The following DRP2 variants were observed in gnomAD, a reference collection of about 807,000 sequenced individuals.
DRP2 encodes dystrophin-related protein 2.
DRP2 carries 29 observed loss-of-function variants against 78.2 expected under a neutral mutation model. That is an observed-to-expected ratio of 0.37 (90% CI 0.28 to 0.51). DRP2 has a LOEUF of 0.51. Among genes scored for constraint, DRP2 ranks in the 20% least tolerant of loss-of-function variants. The pLI, the probability that DRP2 is intolerant of heterozygous loss-of-function variation, is 0.94. For synonymous variants in DRP2, 290 were observed against 281.9 expected (o/e 1.03, Z -0.29); for missense variants, 686 against 770.6 (o/e 0.89, Z 1.30).
chrX:101,239,345 A>G (rs776643422), intron 6 of DRP2, among the ~76,000 whole-genome samples: 1 of 111,813 alleles, frequency 8.9e-6, no homozygotes, highest in Non-Finnish European at 1.9e-5. Context: ...GGCTCTTTGG[A>G]GCAGCATGTG....
At chrX:101,242,074 T>A in intron 7 of DRP2, 138 bp downstream of exon 7, 1 of 862,816 alleles carries the variant, frequency 1.2e-6, no homozygotes, top group Non-Finnish European at 1.6e-6. Flanking sequence ...TGTGCTAGAT[T>A]TGGGGCTGGT....
intron 2 of DRP2, among the ~76,000 whole-genome samples, chrX:101,228,485 C>T (rs995741206): frequency 6.3e-5 from 7 of 111,590 alleles, no homozygotes; most frequent in African/African-American, 2.0e-4. Context: ...GACACTGAGG[C>T]TCAGAGAGGT....
At chrX:101,232,416 CT>C (rs1486444936) in intron 3 of DRP2, among the ~76,000 whole-genome samples, 2 of 111,320 alleles carry the variant, frequency 1.8e-5, no homozygotes, top group Non-Finnish European at 3.8e-5. Context: ...CATAAGCATA[CT>C]TTGGTTGCCC....
At chrX:101,248,701 A>G in intron 14 of DRP2, 102 bp downstream of exon 14, 1 of 736,625 alleles carries the variant, frequency 1.4e-6, no homozygotes, top group Non-Finnish European at 2.1e-6. Context: ...CTTGTGACTC[A>G]GCAGAGGGCT....
At chrX:101,259,467 G>A (rs560377859) in intron 22 of DRP2, among the ~76,000 whole-genome samples, 2 of 110,648 alleles carry the variant, frequency 1.8e-5, no homozygotes, top group Admixed American at 1.9e-4. Flanking sequence ...GAGACCTTTA[G>A]GTACAATGCC....
chrX:101,258,189 G>A, intron 21 of DRP2, 120 bp from the exon 22 acceptor site: 1 of 565,767 alleles, frequency 1.8e-6, no homozygotes, highest in Non-Finnish European at 2.8e-6. Context: ...ATGGGGGTGG[G>A]GGTGAGGTAG....
At chrX:101,239,322 C>T (rs768269088) in intron 6 of DRP2, among the ~76,000 whole-genome samples, 2 of 111,232 alleles carry the variant, frequency 1.8e-5, no homozygotes, top group Admixed American at 9.5e-5. Flanking sequence ...TTGTGTGACC[C>T]AAAGCTGTAT....
At chrX:101,236,510 C>T (rs1291222523) in intron 4 of DRP2, among the ~76,000 whole-genome samples, 2 of 111,737 alleles carry the variant, frequency 1.8e-5, no homozygotes, top group South Asian at 3.7e-4. Context: ...AGTTTTCAGC[C>T]CACCTATTTC....
intron 3 of DRP2, among the ~76,000 whole-genome samples, chrX:101,235,450 G>A (rs757037161): frequency 1.8e-5 from 2 of 112,576 alleles, no homozygotes; most frequent in South Asian, 7.4e-4. Flanking sequence ...CCTGAAGTAT[G>A]AGCCAACAGC....
In DRP2 at chrX:101,245,431, G is replaced by A; in HGVS notation, c.1159G>A (p.Glu387Lys). Residue 387 changes from glutamate to lysine, a missense_variant, in exon 11 of 24, where the codon GAG (glutamate) becomes AAG (lysine). Transcript: ENST00000395209. ...ATGCTGGGACCATCCCAAGATGACA[G>A]AGTTATACCAAACCCTAGGTAAGAA... ...TTCWDHPKMT[E>K]LYQTLADLNN... The A allele has an allele frequency of 8.3e-7, 1 of 1,205,674 alleles. No individual in the cohort carries two copies. The highest frequency in any genetic ancestry group is 1.1e-6 in the Non-Finnish European group (1 of 892,268).
At chrX:101,225,685 G>T (rs1424116614) in intron 2 of DRP2, among the ~76,000 whole-genome samples, 9 of 111,278 alleles carry the variant, frequency 8.1e-5, no homozygotes, top group African/African-American at 2.9e-4. Context: ...CTTGTATTTT[G>T]GTGGGGAGCG....
At chrX:101,243,058 G>A in intron 9 of DRP2, 76 bp downstream of exon 9, 2 of 963,540 alleles carry the variant, frequency 2.1e-6, no homozygotes, top group Non-Finnish European at 3.0e-6. Context: ...ATCCCCTGGG[G>A]CCCTGGTGGG....
At chrX:101,246,060 C>CT (rs1268711875) in intron 11 of DRP2, among the ~76,000 whole-genome samples, 5 of 112,022 alleles carry the variant, frequency 4.5e-5, no homozygotes, top group Non-Finnish European at 7.5e-5. Context: ...ATCTGTAAAG[C>CT]TTTTTATATG....
At chrX:101,224,381 C>T (rs1266944243) in intron 1 of DRP2, among the ~76,000 whole-genome samples, 2 of 62,636 alleles carry the variant, frequency 3.2e-5, no homozygotes, top group South Asian at 1.2e-3. Flanking sequence ...GGCGACAGAG[C>T]GAGACTCCGT....
chrX:101,240,632 G>A (rs1382662751), intron 6 of DRP2, among the ~76,000 whole-genome samples: 1 of 112,133 alleles, frequency 8.9e-6, no homozygotes, highest in Non-Finnish European at 1.9e-5. Context: ...GGGACTCATG[G>A]TGACTAGATC....
chrX:101,224,182 G>GTTTTTTTTTTTTTTTTTTTTTTTTTTTT (rs1214156680), intron 1 of DRP2, among the ~76,000 whole-genome samples: 1 of 44,232 alleles, frequency 2.3e-5, no homozygotes, highest in African/African-American at 1.0e-4. Context: ...TGTTTGCTGG[G>GTTTTTTTTTTTTTTTTTTTTTTTTTTTT]TTTTTTTTGT....
In DRP2 at chrX:101,224,634, C is replaced by T. The variant is rs1200568360; in HGVS notation, c.-136C>T. 1 of 112,312 alleles carries T rather than the reference C, an allele frequency of 8.9e-6. No individual in the cohort carries two copies. Among genetic ancestry groups the T allele is most frequent in the African/African-American group, 3.3e-5 (1 of 30,766 alleles). 9.3% of individuals were successfully genotyped at this position (112,312 alleles called of 1,213,427 possible). ...TAATATTCGCCGTGTGAGTGGCTAT[C>T]GTAATAGATAACATTTGAATATCTA... On this transcript the variant is annotated 5_prime_UTR_variant, in exon 2 of 24. Transcript: ENST00000395209.
rs928526696 is a variant in DRP2, at chrX:101,232,405, G to A, written c.117+641G>A. 1.7e-4 allele frequency among the ~76,000 whole-genome samples: 19 copies of A among 111,369 alleles called. 1 individual carries two copies. The highest frequency in any genetic ancestry group is 4.9e-4 in the African/African-American group (15 of 30,565). On this transcript the variant is annotated intron_variant, in intron 3 of 23. Coordinates refer to ENST00000395209, the MANE Select transcript of DRP2 (RefSeq NM_001939.3). ...GGAAAGTTGACTGGAGAAGGGAGAC[G>A]CATAAGCATACTTTGGTTGCCCTAC...
chrX:101,235,882 C>T lies in DRP2; in HGVS notation c.140C>T (p.Pro47Leu), dbSNP rs1338079656. 8.3e-7 allele frequency: 1 copy of T among 1,208,792 alleles called. No individual in the cohort carries two copies. The highest frequency in any genetic ancestry group is 1.1e-6 in the Non-Finnish European group (1 of 894,510). Residue 47 changes from proline to leucine, a missense_variant, in exon 4 of 24, where the codon CCT becomes CTT. Pro to Leu is a moderately conservative substitution (Grantham distance 98, BLOSUM62 -3). Coordinates refer to ENST00000395209, the MANE Select transcript of DRP2 (RefSeq NM_001939.3). The stretch of plus-strand genomic sequence containing the variant: ...CAGGTTAGAGCTGCTGTCACCAGCC[C>T]TGCACCTCCTCAAGATGGTGCTGGG... ...HPQVRAAVTS[P>L]APPQDGAGVP...
Sources: allele counts gnomAD v4.1 joint callset (sites outside exome capture counted in the v4.1 genomes callset), GRCh38; gene constraint gnomAD v4.1.1; transcripts MANE v1.5; gene names NCBI Gene and HGNC (gene_info 2026-07-23, HGNC 2026-07-21).